ANKS1B: variants seen among roughly 807,000 people sequenced by gnomAD.
The protein encoded by ANKS1B is ankyrin repeat and sterile alpha motif domain containing 1B.
ANKS1B carries 36 observed loss-of-function variants against 148.3 expected under a neutral mutation model. The observed-to-expected ratio is 0.24, with a 90% CI of 0.19 to 0.32. The LOEUF is 0.32. Ranked by LOEUF, ANKS1B falls within the 10% of genes least tolerant of loss-of-function variation. The probability of loss-of-function intolerance (pLI) is 1.00; values close to 1 mark genes in which losing one functional copy is unlikely to be tolerated. For missense variants in ANKS1B, 1,157 were observed against 1,542.6 expected (o/e 0.75, Z 4.19); for synonymous variants, 542 against 560.8 (o/e 0.97, Z 0.47).
intron 8 of ANKS1B, 87 bp from the exon 9 acceptor site, chr12:99,655,297 GTA>G: frequency 1.1e-5 from 14 of 1,220,580 alleles, no homozygotes; most frequent in Non-Finnish European, 1.5e-5. Context: ...AATGACAGTG[GTA>G]TATCTCGGCA....
rs368192609 is a variant in ANKS1B, at chr12:99,246,551, T to C, written c.2070A>G (p.Arg690=). The C allele has an allele frequency of 3.1e-4, 508 of 1,613,948 alleles. 3 individuals are homozygous for C. The African/African-American group carries it at 6.0e-3, about 19-fold the overall frequency. Residue 690 remains arginine, a synonymous_variant, in exon 13 of 27, where the codon AGA becomes AGG. Coordinates refer to ENST00000683438, the MANE Select transcript of ANKS1B (RefSeq NM_001352186.2). Reference sequence around the variant, plus strand: ...CATTCCGAGATCCACTCCTGGTTGATCTTGTGCCAACAATGGTATGGTTTT... The same window carrying C: ...CATTCCGAGATCCACTCCTGGTTGACCTTGTGCCAACAATGGTATGGTTTT... The part of the protein sequence containing the change: ...QLENHTIVGT[R]STRSGSRNGD...
chr12:98,809,393 C>A (rs1287112083), intron 19 of ANKS1B, among the ~76,000 whole-genome samples: 1 of 152,188 alleles, frequency 6.6e-6, no homozygotes, highest in Non-Finnish European at 1.5e-5. Context: ...GGCATCCTCA[C>A]CCAGTCCTGA....
At chr12:98,864,777 G>A (rs2099616167) in intron 17 of ANKS1B, among the ~76,000 whole-genome samples, 1 of 152,174 alleles carries the variant, frequency 6.6e-6, no homozygotes, top group South Asian at 2.1e-4. Context: ...ATGAAGGAAA[G>A]ATAATTGCCT....
intron 14 of ANKS1B, among the ~76,000 whole-genome samples, chr12:99,199,950 G>A (rs1436545852): frequency 1.3e-5 from 2 of 152,188 alleles, no homozygotes; most frequent in Admixed American, 1.3e-4. Context: ...GTAGGAAGAA[G>A]AGAGTGATGA....
At chr12:99,931,467 T>G (rs182039924) in intron 1 of ANKS1B, among the ~76,000 whole-genome samples, 1 of 152,206 alleles carries the variant, frequency 6.6e-6, no homozygotes, top group Non-Finnish European at 1.5e-5. Flanking sequence ...GAAATATGTC[T>G]TGTAATTATG....
At chr12:99,975,270 G>C (rs529768238) in intron 1 of ANKS1B, among the ~76,000 whole-genome samples, 41 of 152,160 alleles carry the variant, frequency 2.7e-4, no homozygotes, top group Admixed American at 4.6e-4. Context: ...CTAATGTTTT[G>C]TTGCCTCTTT....
chr12:99,807,892 T>C (rs184841559), intron 3 of ANKS1B, among the ~76,000 whole-genome samples: 1 of 152,238 alleles, frequency 6.6e-6, no homozygotes, highest in East Asian at 1.9e-4. Context: ...CTAAAAACTA[T>C]ATATATTGTC....
At chr12:99,276,151 A>G (rs928245852) in intron 12 of ANKS1B, among the ~76,000 whole-genome samples, 1 of 152,190 alleles carries the variant, frequency 6.6e-6, no homozygotes, top group African/African-American at 2.4e-5. Context: ...TAGCAGACAA[A>G]GGATGAGGTT....
chr12:99,337,930 A>G (rs976196872), intron 12 of ANKS1B, among the ~76,000 whole-genome samples: 1 of 152,214 alleles, frequency 6.6e-6, no homozygotes, highest in African/African-American at 2.4e-5. Flanking sequence ...TGGAGGGCAC[A>G]AACACTCCTG....
intron 4 of ANKS1B, among the ~76,000 whole-genome samples, chr12:99,784,317 T>G (rs1389999193): frequency 6.6e-6 from 1 of 151,918 alleles, no homozygotes; most frequent in Non-Finnish European, 1.5e-5. Flanking sequence ...GACTACAGGC[T>G]CCTGCCACCA....
At chr12:99,450,971 A>G (rs894285872) in intron 10 of ANKS1B, among the ~76,000 whole-genome samples, 14 of 152,198 alleles carry the variant, frequency 9.2e-5, no homozygotes, top group African/African-American at 3.4e-4. Context: ...AATATAATTT[A>G]CAAAAAATAC....
At chr12:98,798,158 T>C (rs956113004) in intron 22 of ANKS1B, among the ~76,000 whole-genome samples, 4 of 151,068 alleles carry the variant, frequency 2.6e-5, no homozygotes, top group Non-Finnish European at 5.9e-5. Context: ...GTTCCACTTG[T>C]GTCACCCAGG....
At chr12:99,499,109 C>A (rs2096631549) in intron 10 of ANKS1B, among the ~76,000 whole-genome samples, 1 of 152,204 alleles carries the variant, frequency 6.6e-6, no homozygotes, top group East Asian at 1.9e-4. Context: ...TGCTATGGCG[C>A]TTATTGGGGG....
intron 17 of ANKS1B, among the ~76,000 whole-genome samples, chr12:98,955,384 T>C (rs887258540): frequency 2.0e-5 from 3 of 152,044 alleles, no homozygotes; most frequent in African/African-American, 2.4e-5. Context: ...AACGGTCTTT[T>C]GGGTTTGAAG....
chr12:99,361,253 C>T (rs1168361735), intron 12 of ANKS1B, among the ~76,000 whole-genome samples: 2 of 151,788 alleles, frequency 1.3e-5, no homozygotes, highest in Non-Finnish European at 2.9e-5. Context: ...TATATACCTA[C>T]TATGTAACCA....
At chr12:99,561,510 TG>T (rs1343703217) in intron 9 of ANKS1B, among the ~76,000 whole-genome samples, 1 of 152,236 alleles carries the variant, frequency 6.6e-6, no homozygotes, top group Non-Finnish European at 1.5e-5. Context: ...ATGCATTTTT[TG>T]GATATTATCT....
At chr12:98,809,040 A>G (rs1003346413) in intron 19 of ANKS1B, among the ~76,000 whole-genome samples, 7 of 152,142 alleles carry the variant, frequency 4.6e-5, no homozygotes, top group Admixed American at 3.9e-4. Context: ...CAGCAATTTA[A>G]CACCTCTCTC....
chr12:99,973,988 T>A (rs2095594298), intron 1 of ANKS1B, among the ~76,000 whole-genome samples: 1 of 152,196 alleles, frequency 6.6e-6, no homozygotes. Context: ...ATGGGTAAAA[T>A]GCTATCAAAC....
intron 12 of ANKS1B, among the ~76,000 whole-genome samples, chr12:99,285,259 T>C (rs2078977702): frequency 6.6e-6 from 1 of 152,228 alleles, no homozygotes; most frequent in Admixed American, 6.5e-5. Context: ...AGCATAGTTA[T>C]TTTGATATTT....
Sources: allele counts gnomAD v4.1 joint callset (sites outside exome capture counted in the v4.1 genomes callset), GRCh38; gene constraint gnomAD v4.1.1; transcripts MANE v1.5; gene names NCBI Gene and HGNC (gene_info 2026-07-23, HGNC 2026-07-21).